Variants in CAST observed in about 807,000 individuals in gnomAD.
CAST encodes the protein MIR583 host.
CAST carries 76 observed loss-of-function variants against 119.6 expected under a neutral mutation model. That is an observed-to-expected ratio of 0.64 (90% confidence interval 0.53 to 0.77). CAST has a LOEUF of 0.77. Ranked by LOEUF, CAST falls within the 30% of genes least tolerant of loss-of-function variation. The probability of loss-of-function intolerance (pLI) is 0.00; values close to 1 mark genes in which losing one functional copy is unlikely to be tolerated. For missense variants in CAST, 953 were observed against 946.5 expected, an observed-to-expected ratio of 1.01 and a Z score of -0.09; for synonymous variants, 319 against 331.6, an observed-to-expected ratio of 0.96 and a Z score of 0.41.
chr5:96,647,244 T>G (rs1748025529), intron 1 of CAST, among the ~76,000 whole-genome samples: 1 of 152,192 alleles, frequency 6.6e-6, no homozygotes, highest in Admixed American at 6.5e-5. Flanking sequence ...ATATCGTTTT[T>G]GTTAATTACA....
chr5:96,727,437 T>C (rs1581147493), intron 5 of CAST, 52 bp from the exon 6 acceptor site: 3 of 952,948 alleles, frequency 3.1e-6, no homozygotes, highest in African/African-American at 3.4e-5. Flanking sequence ...GTAAACTATG[T>C]CTATCTTTCT....
the CAST span, among the ~76,000 whole-genome samples, chr5:96,436,310 T>C: frequency 6.6e-6 from 1 of 152,216 alleles, no homozygotes; most frequent in Non-Finnish European, 1.5e-5. Flanking sequence ...GACATCTGTA[T>C]GGAGCTGGGT....
At chr5:96,328,303 T>C in the CAST span, among the ~76,000 whole-genome samples, 1 of 152,176 alleles carries the variant, frequency 6.6e-6, no homozygotes, top group East Asian at 1.9e-4. Flanking sequence ...GATGGAGTTA[T>C]CTTCTGATTT....
the CAST span, among the ~76,000 whole-genome samples, chr5:96,168,217 C>T: frequency 7.2e-5 from 11 of 152,252 alleles, no homozygotes; most frequent in Non-Finnish European, 1.3e-4. Context: ...GAAGTTGGAA[C>T]GCTAGCTGCT....
chr5:96,086,202 A>T, the CAST span, among the ~76,000 whole-genome samples: 1 of 151,672 alleles, frequency 6.6e-6, no homozygotes, highest in Admixed American at 6.6e-5. Context: ...ATTGGTTTTT[A>T]TTTTATTTTT....
chr5:96,416,357 C>A, the CAST span, among the ~76,000 whole-genome samples: 1 of 152,124 alleles, frequency 6.6e-6, no homozygotes. Flanking sequence ...AGGGTGTGAC[C>A]TTGGGTAAGT....
chr5:96,045,576 C>T, the CAST span, among the ~76,000 whole-genome samples: 1 of 152,000 alleles, frequency 6.6e-6, no homozygotes, highest in African/African-American at 2.4e-5. Context: ...CTTCATGGAG[C>T]TTATTTCTAA....
At chr5:96,734,980 A>G (rs1428890658) in intron 9 of CAST, among the ~76,000 whole-genome samples, 3 of 151,822 alleles carry the variant, frequency 2.0e-5, no homozygotes, top group Non-Finnish European at 4.4e-5. Flanking sequence ...AGGGGAAGAG[A>G]GACATTGAGA....
chr5:96,342,366 T>C, the CAST span, among the ~76,000 whole-genome samples: 1 of 152,182 alleles, frequency 6.6e-6, no homozygotes, highest in Non-Finnish European at 1.5e-5. Flanking sequence ...CAGCTGGGGA[T>C]TGTTAAAACA....
the CAST span, among the ~76,000 whole-genome samples, chr5:96,489,828 T>C: frequency 1.2e-4 from 19 of 152,334 alleles, no homozygotes; most frequent in South Asian, 2.3e-3. Context: ...GTCACATAGA[T>C]ACAGAGGCCA....
At chr5:96,260,819 G>A in the CAST span, among the ~76,000 whole-genome samples, 2 of 152,176 alleles carry the variant, frequency 1.3e-5, no homozygotes, top group Non-Finnish European at 2.9e-5. Context: ...GCTCTTCCGT[G>A]TTGCTTAATT....
the CAST span, among the ~76,000 whole-genome samples, chr5:96,343,217 C>CATGT: frequency 6.6e-6 from 1 of 151,816 alleles, no homozygotes; most frequent in Non-Finnish European, 1.5e-5. Context: ...TTAGGGGGTA[C>CATGT]ACAAGATAAA....
chr5:96,692,144 G>A (rs1208168538), intron 2 of CAST, among the ~76,000 whole-genome samples: 1 of 152,102 alleles, frequency 6.6e-6, no homozygotes, highest in East Asian at 1.9e-4. Context: ...CTTTCCTCAG[G>A]GTGGATCCAG....
At chr5:96,556,356 C>T (rs192750762) in intron 1 of CAST, among the ~76,000 whole-genome samples, 35 of 152,234 alleles carry the variant, frequency 2.3e-4, no homozygotes, top group African/African-American at 5.3e-4. Context: ...CAAAGCTGGA[C>T]GGAGAATGAC....
At chr5:96,653,381 G>A (rs1307121068) in intron 1 of CAST, among the ~76,000 whole-genome samples, 2 of 152,206 alleles carry the variant, frequency 1.3e-5, no homozygotes, top group Non-Finnish European at 2.9e-5. Context: ...AAAAACAGAT[G>A]ATTAAAAGAG....
the CAST span, among the ~76,000 whole-genome samples, chr5:96,056,926 T>G: frequency 6.6e-6 from 1 of 152,120 alleles, no homozygotes; most frequent in African/African-American, 2.4e-5. Flanking sequence ...TACAAAAATT[T>G]TTTTAGACAA....
chr5:96,139,544 ATATG>A, the CAST span, among the ~76,000 whole-genome samples: 2,364 of 88,258 alleles, frequency 0.027, 51 homozygotes, highest in African/African-American at 0.1. Flanking sequence ...ATATATATGT[ATATG>A]TATATATATG....
intron 1 of CAST, among the ~76,000 whole-genome samples, chr5:96,602,466 A>C (rs1209508414): frequency 6.6e-6 from 1 of 152,214 alleles, no homozygotes; most frequent in Admixed American, 6.5e-5. Flanking sequence ...AAACAGGGTC[A>C]TGAGGCCAGG....
the CAST span, among the ~76,000 whole-genome samples, chr5:96,007,223 C>T: frequency 2.0e-5 from 3 of 152,144 alleles, no homozygotes; most frequent in Admixed American, 6.5e-5. Context: ...GTTGACTTTA[C>T]TAGTAGTTCC....
Sources: allele counts gnomAD v4.1 joint callset (sites outside exome capture counted in the v4.1 genomes callset), GRCh38; gene constraint gnomAD v4.1.1; transcripts MANE v1.5; gene names NCBI Gene and HGNC (gene_info 2026-07-23, HGNC 2026-07-21).